Variants in CAPN8 observed in about 807,000 individuals in gnomAD.
CAPN8 encodes the protein calpain-8.
CAPN8 carries 87 observed loss-of-function variants against 80.9 expected under a neutral mutation model. The ratio of observed to expected loss-of-function variants is 1.07; its 90% CI spans 0.90 to 1.28. The LOEUF is 1.28. Ranked by LOEUF, CAPN8 falls within the 50% of genes most tolerant of loss-of-function variation. The pLI is 0.00. For synonymous variants in CAPN8, 299 were observed against 273.8 expected (o/e 1.09, Z -0.91); for missense variants, 757 against 702.0 (o/e 1.08, Z -0.89).
intron 15 of CAPN8, among the ~76,000 whole-genome samples, chr1:223,550,728 G>A (rs1466082823): frequency 6.6e-6 from 1 of 152,024 alleles, no homozygotes; most frequent in Non-Finnish European, 1.5e-5. Context: ...TCCTTCAGGT[G>A]CTGGCTGCTT....
rs190943868 is a variant in CAPN8, at chr1:223,549,363, A to C, written c.1719T>G (p.Asp573Glu). The stretch of plus-strand genomic sequence containing the variant: ...CCCTGCAAGTGTTGATGTTGAATCC[A>C]TCGAATTTTATGTCTGTTCCTAAAG... ...AFSKRTDIKF[D>E]GFNINTCREM... Residue 573 changes from aspartate to glutamate, a missense_variant, in exon 16 of 21, where the codon GAT becomes GAG. Asp to Glu is a conservative substitution (Grantham distance 45). Transcript: ENST00000366872. The C allele has an allele frequency of 6.4e-7, 1 of 1,551,888 alleles. No homozygotes were observed. Among genetic ancestry groups the C allele is most frequent in the Admixed American group, 2.0e-5 (1 of 51,008 alleles).
chr1:223,546,739 T>C (rs1656632423), intron 16 of CAPN8, among the ~76,000 whole-genome samples: 1 of 152,192 alleles, frequency 6.6e-6, no homozygotes, highest in Non-Finnish European at 1.5e-5. Flanking sequence ...CCTCAATAAG[T>C]GGTAGAGCCA....
chr1:223,657,505 A>C (rs1658529484), intron 1 of CAPN8, among the ~76,000 whole-genome samples: 1 of 152,150 alleles, frequency 6.6e-6, no homozygotes, highest in Admixed American at 6.5e-5. Flanking sequence ...GGTGACTCAC[A>C]CCTGTAATCC....
chr1:223,662,629 A>G (rs991446092), intron 1 of CAPN8, among the ~76,000 whole-genome samples: 4 of 152,158 alleles, frequency 2.6e-5, no homozygotes, highest in African/African-American at 9.7e-5. Context: ...ATGCCACTGA[A>G]CTGTGCATTT....
chr1:223,628,403 C>T (rs954527904), intron 3 of CAPN8, among the ~76,000 whole-genome samples: 4 of 152,228 alleles, frequency 2.6e-5, no homozygotes, highest in African/African-American at 4.8e-5. Flanking sequence ...CAGACCCACA[C>T]CTCCTGACCC....
chr1:223,547,058 C>T (rs1656642879), intron 16 of CAPN8, among the ~76,000 whole-genome samples: 1 of 152,150 alleles, frequency 6.6e-6, no homozygotes, highest in Non-Finnish European at 1.5e-5. Flanking sequence ...GGATTACAGA[C>T]ATGTGCCATC....
Position 223,619,334 on chromosome 1 carries a change from C to T in CAPN8, c.1094G>A (p.Trp365Ter), listed in dbSNP as rs1211425630. Reference sequence around the variant, plus strand: ...GCCCCCAGCTGTGGAGCCCCGGGTCCAGTGGCCGTTGAACAGGACCAGGTT... The same window carrying T: ...GCCCCCAGCTGTGGAGCCCCGGGTCTAGTGGCCGTTGAACAGGACCAGGTT... Reference protein sequence around the residue: ...KWNLVLFNGHWTRGSTAGGCQ... With the variant: ...KWNLVLFNGH Residue 365 changes from tryptophan (W) to a stop codon, truncating the protein, a stop_gained, in exon 9 of 21, where the codon TGG becomes TAG. Coordinates refer to ENST00000366872, the MANE Select transcript of CAPN8 (RefSeq NM_001143962.2). LOFTEE classifies it high-confidence loss of function. 6.4e-7 allele frequency: 1 copy of T among 1,551,682 alleles called. No homozygotes were observed. Among genetic ancestry groups the T allele is most frequent in the Non-Finnish European group, 8.7e-7 (1 of 1,146,996 alleles).
In CAPN8 at chr1:223,665,430, T is replaced by C. The variant is rs1482574494; in HGVS notation, c.217A>G (p.Ile73Val). ...LGPGSPQTQG[I>V]IWKRPTELCP... ...CTTACCGTGGGCCGCTTCCAGATGA[T>C]GCCTTGAGTTTGCGGAGAGCCTGGT... Residue 73 changes from isoleucine to valine, a missense_variant, in exon 1 of 21, where the codon ATC (isoleucine) becomes GTC (valine). Physicochemically the swap from Ile to Val is conservative, Grantham distance 29. Transcript: ENST00000366872. 6 of 1,551,928 alleles carry C rather than the reference T, an allele frequency of 3.9e-6. No homozygotes were observed. In the South Asian group the frequency reaches 5.9e-5, roughly 15 times the overall value.
intron 16 of CAPN8, 131 bp from the exon 17 acceptor site, chr1:223,545,430 G>A: frequency 1.4e-6 from 2 of 1,379,330 alleles, no homozygotes; most frequent in South Asian, 2.7e-5. Flanking sequence ...GCAGAGCAGT[G>A]GGGGTGACGG....
intron 14 of CAPN8, among the ~76,000 whole-genome samples, chr1:223,552,249 T>A (rs1331005594): frequency 2.0e-5 from 3 of 151,936 alleles, no homozygotes; most frequent in Non-Finnish European, 4.4e-5. Flanking sequence ...CAGCACAGAG[T>A]GGTCAGTCCC....
intron 2 of CAPN8, among the ~76,000 whole-genome samples, chr1:223,650,888 T>C (rs549349147): frequency 6.6e-6 from 1 of 152,230 alleles, no homozygotes; most frequent in African/African-American, 2.4e-5. Context: ...CACAGAGACC[T>C]CAAGATGCTC....
intron 9 of CAPN8, 78 bp downstream of exon 9, chr1:223,619,215 C>T (rs1657300247): frequency 6.6e-7 from 1 of 1,507,232 alleles, no homozygotes; most frequent in Non-Finnish European, 8.9e-7. Context: ...CAAAATAGCA[C>T]CAAAAAATTA....
Position 223,659,604 on chromosome 1 carries a change from T to C in CAPN8, c.238-5205A>G, listed in dbSNP as rs193122967. On this transcript the variant is annotated intron_variant, in intron 1 of 20. Transcript: ENST00000366872. ...ACTCAAACGTCTCCGGTAATTAACC[T>C]GCCCCAATGTCACTGTCAAATTTAA... Among the ~76,000 whole-genome samples the C allele has an allele frequency of 1.5e-3, 223 of 152,332 alleles. 4 individuals are homozygous for C. Among genetic ancestry groups the C allele is most frequent in the Admixed American group, 0.013 (199 of 15,292 alleles).
intron 6 of CAPN8, among the ~76,000 whole-genome samples, chr1:223,624,591 G>A (rs1469634940): frequency 2.0e-5 from 3 of 152,092 alleles, no homozygotes; most frequent in Admixed American, 6.5e-5. Flanking sequence ...GCACTTGCCT[G>A]TAGTCCCAGC....
chr1:223,621,907 A>G (rs1402010002), intron 7 of CAPN8, among the ~76,000 whole-genome samples: 4 of 151,904 alleles, frequency 2.6e-5, no homozygotes, highest in Non-Finnish European at 5.9e-5. Flanking sequence ...CCCAAGCTGG[A>G]ATGCAGTGGC....
At chr1:223,549,785 A>T (rs570249130) in intron 15 of CAPN8, among the ~76,000 whole-genome samples, 2 of 152,226 alleles carry the variant, frequency 1.3e-5, no homozygotes, top group African/African-American at 4.8e-5. Context: ...CCCAGGCTTG[A>T]TATATGATAA....
At chr1:223,628,197 A>T (rs1394203251) in intron 3 of CAPN8, 55 bp from the exon 4 acceptor site, 22 of 1,495,120 alleles carry the variant, frequency 1.5e-5, no homozygotes, top group Non-Finnish European at 2.0e-5. Flanking sequence ...GTGTAAAGGG[A>T]GTCCCTCCAG....
intron 7 of CAPN8, among the ~76,000 whole-genome samples, chr1:223,620,775 T>C (rs1452195794): frequency 6.6e-6 from 1 of 152,126 alleles, no homozygotes; most frequent in East Asian, 1.9e-4. Flanking sequence ...AGAATGATCA[T>C]CCAGCCCAGT....
intron 13 of CAPN8, 54 bp downstream of exon 13, chr1:223,558,077 G>A: frequency 2.5e-6 from 1 of 398,532 alleles, no homozygotes; most frequent in African/African-American, 2.1e-5. Flanking sequence ...GAAGAAACCT[G>A]GAATGACTGC....
Sources: gnomAD v4.1 joint callset for allele counts (sites outside exome capture counted in the v4.1 genomes callset) on GRCh38, gnomAD v4.1.1 for gene constraint, MANE v1.5 for transcripts, NCBI Gene and HGNC (gene_info 2026-07-23, HGNC 2026-07-21) for gene names.